The following ZNF652 variants were observed in gnomAD, a reference collection of about 807,000 sequenced individuals.
ZNF652 encodes the protein zinc finger protein 652.
Under a neutral mutation model 45.2 loss-of-function variants are expected in ZNF652, and 16 were observed. The ratio of observed to expected loss-of-function variants is 0.35; its 90% CI spans 0.24 to 0.54. ZNF652 has a LOEUF of 0.54. Among genes scored for constraint, ZNF652 ranks in the 20% least tolerant of loss-of-function variants. The probability of loss-of-function intolerance (pLI) is 0.91; values close to 1 mark genes in which losing one functional copy is unlikely to be tolerated. For missense variants in ZNF652, 614 were observed against 765.6 expected, an observed-to-expected ratio of 0.80 and a Z score of 2.34; for synonymous variants, 250 against 260.6, an observed-to-expected ratio of 0.96 and a Z score of 0.39.
rs562497534 is a variant in ZNF652 at position 49,339,934 on chromosome 17, A to G, written c.-258-21951T>C. The stretch of plus-strand genomic sequence containing the variant: ...TTTTTACTAGAGACGGGGTTTCACC[A>G]TATCGGCCAGGCTGGTCTTGAACTC... On this transcript the variant is annotated intron_variant, in intron 1 of 5. Transcript: ENST00000430262. Among the ~76,000 whole-genome samples the G allele has an allele frequency of 4.8e-3, 737 of 152,158 alleles. 5 individuals are homozygous for G. Among genetic ancestry groups the G allele is most frequent in the Non-Finnish European group, 8.5e-3 (581 of 67,992 alleles).
intron 5 of ZNF652, among the ~76,000 whole-genome samples, chr17:49,307,526 G>A (rs952943218): frequency 4.0e-5 from 6 of 148,964 alleles, no homozygotes; most frequent in South Asian, 2.1e-4. Flanking sequence ...CAGATCATGA[G>A]GTCAGGAGTT....
At chr17:49,349,765 T>C (rs2070250285) in intron 1 of ZNF652, among the ~76,000 whole-genome samples, 1 of 152,196 alleles carries the variant, frequency 6.6e-6, no homozygotes, top group Non-Finnish European at 1.5e-5. Context: ...ACAGAAGTGA[T>C]AAATCATGTT....
At chr17:49,336,950 T>G (rs1784200990) in intron 1 of ZNF652, among the ~76,000 whole-genome samples, 2 of 119,916 alleles carry the variant, frequency 1.7e-5, no homozygotes, top group East Asian at 2.5e-4. Context: ...GTGTTTTTTT[T>G]TTTTTTTTTT....
In ZNF652 at chr17:49,292,148, A is replaced by T. The variant is rs1281897964; in HGVS notation, c.*6265T>A. Among the ~76,000 whole-genome samples, 1 of 152,224 alleles carries T rather than the reference A, an allele frequency of 6.6e-6. No homozygotes were observed. The highest frequency in any genetic ancestry group is 1.5e-5 in the Non-Finnish European group (1 of 68,044). On this transcript the variant is annotated 3_prime_UTR_variant, in exon 6 of 6. Transcript: ENST00000430262. ...AAGGAAAAATGCTGACTAAGGCCCA[A>T]ATGCTCAACTCCAAGCTTTCATTCA...
At chr17:49,334,590 G>A (rs1399434174) in intron 1 of ZNF652, among the ~76,000 whole-genome samples, 2 of 152,016 alleles carry the variant, frequency 1.3e-5, no homozygotes, top group African/African-American at 4.8e-5. Context: ...ACCAGCGTGG[G>A]CAACATGGTG....
intron 1 of ZNF652, among the ~76,000 whole-genome samples, chr17:49,325,980 A>C (rs1481744688): frequency 6.6e-6 from 1 of 152,098 alleles, no homozygotes; most frequent in African/African-American, 2.4e-5. Flanking sequence ...TTTTCCCATA[A>C]GTCCTGTTTA....
At chr17:49,355,292 G>T (rs2070323655) in intron 1 of ZNF652, among the ~76,000 whole-genome samples, 1 of 152,068 alleles carries the variant, frequency 6.6e-6, no homozygotes, top group African/African-American at 2.4e-5. Context: ...GACAGTAAAA[G>T]AAAAAAATTT....
At chr17:49,355,908 T>C (rs371011729) in intron 1 of ZNF652, among the ~76,000 whole-genome samples, 4 of 151,424 alleles carry the variant, frequency 2.6e-5, no homozygotes, top group South Asian at 2.1e-4. Flanking sequence ...AAAAAAAAAA[T>C]AGTATCTAAA....
chr17:49,327,777 ATATTT>A (rs1169988927), intron 1 of ZNF652, among the ~76,000 whole-genome samples: 16 of 2,170 alleles, frequency 7.4e-3, no homozygotes, highest in African/African-American at 0.02. Context: ...ATATATATAT[ATATTT>A]TTTTTTTTTT....
chr17:49,341,336 T>C (rs12943264), intron 1 of ZNF652, among the ~76,000 whole-genome samples: 65,982 of 151,248 alleles, frequency 0.44, 14,639 homozygotes, highest in East Asian at 0.48. Context: ...AAAAAAAAGA[T>C]GGATGGCCTG....
intron 1 of ZNF652, among the ~76,000 whole-genome samples, chr17:49,347,555 A>T (rs1303407474): frequency 6.6e-6 from 1 of 151,850 alleles, no homozygotes; most frequent in Non-Finnish European, 1.5e-5. Flanking sequence ...ACAGAGCAAG[A>T]CTCTGTCTTT....
chr17:49,327,019 GA>G (rs1018809921), intron 1 of ZNF652, among the ~76,000 whole-genome samples: 2 of 152,092 alleles, frequency 1.3e-5, no homozygotes, highest in Admixed American at 1.3e-4. Flanking sequence ...CTCCTAGTCT[GA>G]AAAGTTGGGG....
At position 49,296,640 on chromosome 17, in the gene ZNF652, G is replaced by T. The variant is rs1381355185; in HGVS notation, c.*1773C>A. Reference sequence around the variant, plus strand: ...CAGCTACTTGGTTAGCTGAGGCAGGGTTGCTTGAACCCAAGAGTTGGAGGC... The same window carrying T: ...CAGCTACTTGGTTAGCTGAGGCAGGTTTGCTTGAACCCAAGAGTTGGAGGC... On this transcript the variant is annotated 3_prime_UTR_variant, in exon 6 of 6. Transcript: ENST00000430262. 6.6e-6 allele frequency: 1 copy of T among 152,090 alleles called. No homozygotes were observed. The highest frequency in any genetic ancestry group is 6.6e-5 in the Admixed American group (1 of 15,256). The allele number at this position is 152,090 out of a possible 1,614,324, so 9.4% of individuals were successfully genotyped here. A position where few individuals can be genotyped will look rare whatever the true frequency, so the allele number is the denominator to read the frequency against.
intron 1 of ZNF652, among the ~76,000 whole-genome samples, chr17:49,327,246 T>C (rs1162364062): frequency 6.6e-6 from 1 of 152,150 alleles, no homozygotes; most frequent in African/African-American, 2.4e-5. Context: ...CACTGCAACC[T>C]CTGCCTCCTG....
rs985514622 is a variant in ZNF652, at chr17:49,296,889, A to G, written c.*1524T>C. ...AATCAATACACTAGCCCTTCTGTTCAGCCTTTCCTATAATAAGCTCCTGGT... is the reference window on the plus strand; with the variant it reads ...AATCAATACACTAGCCCTTCTGTTCGGCCTTTCCTATAATAAGCTCCTGGT... On this transcript the variant is annotated 3_prime_UTR_variant, in exon 6 of 6. Coordinates refer to ENST00000430262, the MANE Select transcript of ZNF652 (RefSeq NM_001145365.3). 3.3e-5 allele frequency: 5 copies of G among 152,214 alleles called. No homozygotes were observed. The highest frequency in any genetic ancestry group is 2.0e-4 in the Admixed American group (3 of 15,286). The allele number at this position is 152,214 out of a possible 1,614,324, so 9.4% of individuals were successfully genotyped here.
chr17:49,361,366 T>G (rs2070391106), intron 1 of ZNF652: 1 of 149,286 alleles, frequency 6.7e-6, no homozygotes. Context: ...GAGGAGGAGG[T>G]GGGGGTGGAG....
At chr17:49,300,662 C>T (rs1376197283) in intron 5 of ZNF652, among the ~76,000 whole-genome samples, 1 of 152,152 alleles carries the variant, frequency 6.6e-6, no homozygotes, top group African/African-American at 2.4e-5. Flanking sequence ...ATCAGTCCTC[C>T]ATATCTATAG....
At chr17:49,345,631 G>C (rs2070196788) in intron 1 of ZNF652, among the ~76,000 whole-genome samples, 2 of 151,034 alleles carry the variant, frequency 1.3e-5, no homozygotes, top group South Asian at 2.1e-4. Flanking sequence ...CACGAGGTCA[G>C]GAGATCGAGA....
intron 5 of ZNF652, among the ~76,000 whole-genome samples, chr17:49,305,645 C>T (rs1259159897): frequency 6.6e-6 from 1 of 152,152 alleles, no homozygotes; most frequent in Non-Finnish European, 1.5e-5. Context: ...CTGCTATTAT[C>T]ATCATCATCA....
Sources: gnomAD v4.1 joint callset for allele counts (sites outside exome capture counted in the v4.1 genomes callset) on GRCh38, gnomAD v4.1.1 for gene constraint, MANE v1.5 for transcripts, NCBI Gene and HGNC (gene_info 2026-07-23, HGNC 2026-07-21) for gene names.